Variants in IL23R observed in about 807,000 individuals in gnomAD.
IL23R encodes the protein interleukin-23 receptor.
In IL23R, 34 loss-of-function variants were observed where a neutral mutation model predicts 56.9. The ratio of observed to expected loss-of-function variants is 0.60; its 90% CI spans 0.45 to 0.80. The LOEUF (loss-of-function observed/expected upper bound fraction) is 0.80. Among genes scored for constraint, IL23R ranks in the 30% least tolerant of loss-of-function variants. The probability of loss-of-function intolerance (pLI) is 0.00; values close to 1 mark genes in which losing one functional copy is unlikely to be tolerated. For synonymous variants in IL23R, 230 were observed against 249.2 expected (o/e 0.92, Z 0.73); for missense variants, 635 against 730.0 (o/e 0.87, Z 1.50).
chr1:67,184,094 C>T (rs930114213), intron 4 of IL23R, among the ~76,000 whole-genome samples: 4 of 150,712 alleles, frequency 2.7e-5, no homozygotes, highest in Non-Finnish European at 4.4e-5. Context: ...ATTAGCTGGG[C>T]GTGGTGGTGG....
intron 7 of IL23R, among the ~76,000 whole-genome samples, chr1:67,233,118 G>A (rs1461029945): frequency 1.4e-5 from 2 of 147,110 alleles, no homozygotes; most frequent in Non-Finnish European, 3.0e-5. Flanking sequence ...GGAGGCTGAA[G>A]CAGGTGGATC....
chr1:67,153,971 T>C (rs944133794), intron 1 of IL23R, among the ~76,000 whole-genome samples: 8 of 152,286 alleles, frequency 5.3e-5, no homozygotes, highest in Admixed American at 5.2e-4. Flanking sequence ...GGTTTCACCA[T>C]GTTAGTCAGA....
chr1:67,228,031 TTTTCTTTCTTTCTC>T lies in IL23R; in HGVS notation c.955+8315_955+8328del, dbSNP rs1558254142. On this transcript the variant is annotated intron_variant, in intron 7 of 10. Coordinates refer to ENST00000347310, the MANE Select transcript of IL23R (RefSeq NM_144701.3). ...CTTTCTTTCTTTCTTCCTTTCTTTC[TTTTCTTTCTTTCTC>T]TTTCTTTCTTTCTTTCTCTGTCTCT... 6.6e-4 allele frequency among the ~76,000 whole-genome samples: 41 copies of T among 61,984 alleles called. 5 individuals carry two copies. Among genetic ancestry groups the T allele is most frequent in the African/African-American group, 2.6e-3 (38 of 14,536 alleles). 40.7% of individuals were successfully genotyped at this position (61,984 alleles called of 152,430 possible).
At chr1:67,147,224 C>T (rs375705830) in intron 1 of IL23R, among the ~76,000 whole-genome samples, 3 of 152,162 alleles carry the variant, frequency 2.0e-5, no homozygotes, top group African/African-American at 4.8e-5. Flanking sequence ...TCTGAAGTTT[C>T]TCTCCCTGAC....
At chr1:67,182,108 A>G (rs1021657603) in intron 3 of IL23R, among the ~76,000 whole-genome samples, 1 of 152,174 alleles carries the variant, frequency 6.6e-6, no homozygotes, top group Non-Finnish European at 1.5e-5. Flanking sequence ...CAGTCTGTCC[A>G]TTCTCAGATC....
chr1:67,174,296 A>C (rs1646981675), intron 3 of IL23R, among the ~76,000 whole-genome samples: 1 of 151,658 alleles, frequency 6.6e-6, no homozygotes, highest in Non-Finnish European at 1.5e-5. Context: ...GATTTCCATG[A>C]GTCCACTCCA....
intron 5 of IL23R, among the ~76,000 whole-genome samples, chr1:67,201,601 G>A (rs1003413542): frequency 6.0e-5 from 9 of 150,396 alleles, no homozygotes; most frequent in African/African-American, 2.2e-4. Context: ...AGTTTGTTGA[G>A]TCTTACGTTG....
chr1:67,179,496 A>AT (rs1458273714), intron 3 of IL23R, among the ~76,000 whole-genome samples: 5 of 151,580 alleles, frequency 3.3e-5, no homozygotes, highest in African/African-American at 1.2e-4. Context: ...CATCTGTTTG[A>AT]TGCTTCTCTC....
chr1:67,219,903 C>T (rs748188699), intron 7 of IL23R, among the ~76,000 whole-genome samples, 173 bp downstream of exon 7: 1 of 151,942 alleles, frequency 6.6e-6, no homozygotes. Flanking sequence ...CTAGTCTGTA[C>T]AGAAAAATAA....
At chr1:67,185,067 C>T (rs1401019163) in intron 4 of IL23R, among the ~76,000 whole-genome samples, 1 of 152,214 alleles carries the variant, frequency 6.6e-6, no homozygotes, top group Non-Finnish European at 1.5e-5. Flanking sequence ...GACTTCCAAG[C>T]CTCCAGAACT....
At chr1:67,243,471 C>A (rs1429506363) in intron 9 of IL23R, among the ~76,000 whole-genome samples, 1 of 152,018 alleles carries the variant, frequency 6.6e-6, no homozygotes, top group African/African-American at 2.4e-5. Flanking sequence ...CCTCCTACCC[C>A]TTGACAGGCC....
chr1:67,222,750 C>T (rs790636), intron 7 of IL23R, among the ~76,000 whole-genome samples: 3 of 152,116 alleles, frequency 2.0e-5, no homozygotes, highest in African/African-American at 7.2e-5. Flanking sequence ...TGGGTAATGA[C>T]ACCTAAACTA....
At chr1:67,155,921 C>T (rs974226466) in intron 1 of IL23R, among the ~76,000 whole-genome samples, 4 of 152,212 alleles carry the variant, frequency 2.6e-5, no homozygotes, top group Non-Finnish European at 5.9e-5. Context: ...TCCTCATCTT[C>T]ATGGATTTAT....
intron 7 of IL23R, among the ~76,000 whole-genome samples, chr1:67,233,195 C>CAAAAAA (rs34125353): frequency 3.7e-5 from 2 of 53,644 alleles, no homozygotes; most frequent in African/African-American, 7.8e-5. Context: ...CTAAAAATTC[C>CAAAAAA]AAAAAAAAAA....
At chr1:67,195,550 T>C (rs1287696154) in intron 4 of IL23R, among the ~76,000 whole-genome samples, 7 of 152,212 alleles carry the variant, frequency 4.6e-5, no homozygotes, top group Admixed American at 1.3e-4. Context: ...AAGGTAGGTC[T>C]GTCTCTAAAA....
chr1:67,245,875 A>G (rs748014476), intron 9 of IL23R, among the ~76,000 whole-genome samples: 4 of 152,184 alleles, frequency 2.6e-5, no homozygotes, highest in Non-Finnish European at 5.9e-5. Context: ...GAACAGTTTC[A>G]GAAGGAATGG....
chr1:67,147,700 CA>C (rs901311806), intron 1 of IL23R, among the ~76,000 whole-genome samples: 8 of 147,478 alleles, frequency 5.4e-5, no homozygotes, highest in African/African-American at 1.5e-4. Context: ...CAGACTCTGT[CA>C]AAAAAAAAAT....
At chr1:67,145,002 C>T (rs1646667251) in intron 1 of IL23R, among the ~76,000 whole-genome samples, 1 of 152,108 alleles carries the variant, frequency 6.6e-6, no homozygotes, top group Non-Finnish European at 1.5e-5. Context: ...CATCTCAGCC[C>T]CCTTTTTCAC....
chr1:67,157,962 TC>T (rs1410871085), intron 1 of IL23R, among the ~76,000 whole-genome samples: 5 of 152,162 alleles, frequency 3.3e-5, no homozygotes, highest in South Asian at 2.1e-4. Flanking sequence ...ATGACTGTAA[TC>T]CCAGCACTTT....
Sources: gnomAD v4.1 joint callset for allele counts (sites outside exome capture counted in the v4.1 genomes callset) on GRCh38, gnomAD v4.1.1 for gene constraint, MANE v1.5 for transcripts, NCBI Gene and HGNC (gene_info 2026-07-23, HGNC 2026-07-21) for gene names.